The following NOTCH3 variants were observed in gnomAD, a reference collection of about 807,000 sequenced individuals.
The protein encoded by NOTCH3 is neurogenic locus notch homolog protein 3.
Under a neutral mutation model 213.3 loss-of-function variants are expected in NOTCH3, and 86 were observed. The observed-to-expected ratio is 0.40, with a 90% CI of 0.34 to 0.48. The LOEUF (loss-of-function observed/expected upper bound fraction) is 0.48, where lower values mean the gene tolerates loss of function less well. Among genes scored for constraint, NOTCH3 ranks in the 20% least tolerant of loss-of-function variants. The pLI is 0.57. For missense variants in NOTCH3, 2,783 were observed against 3,272.6 expected, an observed-to-expected ratio of 0.85 and a Z score of 3.65; for synonymous variants, 1,354 against 1,355.9, an observed-to-expected ratio of 1.00 and a Z score of 0.03.
rs2046630638 is a variant in NOTCH3, at chr19:15,160,479, T to C, written c.*183A>G. The C allele has an allele frequency of 4.7e-6, 3 of 642,670 alleles. No homozygotes were observed. The South Asian group carries it at 5.3e-5, about 11-fold the overall frequency. The allele number at this position is 642,670 out of a possible 1,614,324, so 39.8% of individuals were successfully genotyped here. A position where few individuals can be genotyped will look rare whatever the true frequency, so the allele number is the denominator to read the frequency against. On this transcript the variant is annotated 3_prime_UTR_variant, in exon 33 of 33. Coordinates refer to ENST00000263388, the MANE Select transcript of NOTCH3 (RefSeq NM_000435.3). ...GGTGGTAGCCCCCACCCATTATAAATAAAGGAAGACTGAAGCCCTGGGCTG... is the reference window on the plus strand; with the variant it reads ...GGTGGTAGCCCCCACCCATTATAAACAAAGGAAGACTGAAGCCCTGGGCTG...
chr19:15,164,020 C>A (rs754770066), intron 31 of NOTCH3, among the ~76,000 whole-genome samples: 10 of 152,074 alleles, frequency 6.6e-5, no homozygotes, highest in Admixed American at 1.3e-4. Flanking sequence ...AGACAAAAAG[C>A]AAATCAGTGG....
rs140818133 is a variant in NOTCH3 at position 15,186,909 on chromosome 19, G to A, written c.1920C>T (p.Arg640=). 203 of 1,614,102 alleles carry A rather than the reference G, an allele frequency of 1.3e-4. No individual in the cohort carries two copies. Among genetic ancestry groups the A allele is most frequent in the Non-Finnish European group, 1.6e-4 (193 of 1,180,042 alleles). ...AGCCAGGTTGGCAGACACAGTCGTA[G>A]CGGTTGATGCCATCACGGCAGACTC... is the stretch of plus-strand genomic sequence containing the variant. ...TFGVCRDGIN[R]YDCVCQPGFT... is the part of the protein sequence containing the mutation. The change falls in exon 12 of 33, where the codon CGC becomes CGT. Residue 640 remains arginine, a synonymous_variant. Transcript: ENST00000263388.
Position 15,192,280 on chromosome 19 carries a change from G to A in NOTCH3, c.359C>T (p.Pro120Leu), listed in dbSNP as rs778715118. The A allele has an allele frequency of 1.4e-4, 221 of 1,602,210 alleles. No homozygotes were observed. Among genetic ancestry groups the A allele is most frequent in the Non-Finnish European group, 1.8e-4 (209 of 1,175,068 alleles). Residue 120 changes from proline to leucine, a missense_variant, in exon 4 of 33, where the codon CCA becomes CTA. Coordinates refer to ENST00000263388, the MANE Select transcript of NOTCH3 (RefSeq NM_000435.3). ...RGFRGPDCSL[P>L]DPCLSSPCAH... is the part of the protein sequence containing the mutation. ...ACAAGGGCTGCTGAGGCAGGGATCT[G>A]GCAGGGAGCAGTCAGGGCCTGGAGG...
intron 29 of NOTCH3, 69 bp from the exon 30 acceptor site, chr19:15,166,160 T>C: frequency 7.1e-7 from 1 of 1,410,552 alleles, no homozygotes; most frequent in Non-Finnish European, 1.0e-6. Context: ...TTATCAAGGG[T>C]ACCCCATTAG....
intron 2 of NOTCH3, among the ~76,000 whole-genome samples, chr19:15,195,081 C>A (rs937221036): frequency 6.6e-6 from 1 of 152,064 alleles, no homozygotes; most frequent in Non-Finnish European, 1.5e-5. Flanking sequence ...ACCAATTGGA[C>A]GCCATGGCCT....
intron 9 of NOTCH3, 59 bp from the exon 10 acceptor site, chr19:15,188,053 T>A: frequency 3.8e-6 from 5 of 1,317,218 alleles, no homozygotes; most frequent in Non-Finnish European, 5.4e-6. Flanking sequence ...TACACCCCTC[T>A]CCAGCCCCGC....
Position 15,175,302 on chromosome 19 carries a change from GTGTA to G in NOTCH3, c.4404-906_4404-903del, listed in dbSNP as rs1393319796. Among the ~76,000 whole-genome samples, 319 of 132,902 alleles carry G rather than the reference GTGTA, an allele frequency of 2.4e-3. 3 individuals carry two copies. The highest frequency in any genetic ancestry group is 0.01 in the African/African-American group (292 of 28,680). 87.2% of individuals were successfully genotyped at this position (132,902 alleles called of 152,430 possible). A position where few individuals can be genotyped will look rare whatever the true frequency, so the allele number is the denominator to read the frequency against. On this transcript the variant is annotated intron_variant, in intron 24 of 32. Coordinates refer to ENST00000263388, the MANE Select transcript of NOTCH3 (RefSeq NM_000435.3). ...AATTCCAGCACTTTGGGAGGCCAAG[GTGTA>G]CGGATAACCTGAGGTCAGGAGTTCT... is the stretch of plus-strand genomic sequence containing the variant.
At chr19:15,182,800 G>A (rs146204313) in intron 16 of NOTCH3, among the ~76,000 whole-genome samples, 11,303 of 151,868 alleles carry the variant, frequency 0.074, 1,232 homozygotes, top group African/African-American at 0.24. Context: ...GTGCCACCAC[G>A]CCCAGCTAAT....
At chr19:15,177,224 G>C (rs1047284056) in intron 24 of NOTCH3, among the ~76,000 whole-genome samples, 3 of 151,594 alleles carry the variant, frequency 2.0e-5, no homozygotes, top group Non-Finnish European at 4.4e-5. Flanking sequence ...ACTCTAGCCT[G>C]GGCCACAGAG....
At chr19:15,199,460 T>G (rs2046994291) in intron 1 of NOTCH3, among the ~76,000 whole-genome samples, 1 of 152,114 alleles carries the variant, frequency 6.6e-6, no homozygotes, top group Non-Finnish European at 1.5e-5. Flanking sequence ...GAGCTGGGTG[T>G]AAGCATGTCC....
At chr19:15,193,914 G>A (rs750103603) in intron 2 of NOTCH3, among the ~76,000 whole-genome samples, 62 of 151,270 alleles carry the variant, frequency 4.1e-4, no homozygotes, top group Non-Finnish European at 7.5e-4. Context: ...AAACCTCGTC[G>A]CTACTAAAAA....
At chr19:15,190,990 G>A (rs1279950996) in intron 6 of NOTCH3, among the ~76,000 whole-genome samples, 2 of 151,482 alleles carry the variant, frequency 1.3e-5, no homozygotes, top group Admixed American at 1.3e-4. Flanking sequence ...CAAAGTGCTG[G>A]GATTACAGGC....
At position 15,180,985 on chromosome 19, in the gene NOTCH3, C is replaced by T. The variant is rs192400490; in HGVS notation, c.2970G>A (p.Glu990=). Residue 990 remains glutamate (E), a synonymous_variant, in exon 18 of 33, where the codon GAG becomes GAA. Coordinates refer to ENST00000263388, the MANE Select transcript of NOTCH3 (RefSeq NM_000435.3). ...CCTGGCACTGCGGGCCCGTGAAGCT[C>T]TCGAGGCAGGTGCAGCGGAAGCCAG... ...AHPGFRCTCL[E]SFTGPQCQTL... 1.9e-6 allele frequency: 3 copies of T among 1,596,754 alleles called. No individual in the cohort carries two copies. The highest frequency in any genetic ancestry group is 2.6e-6 in the Non-Finnish European group (3 of 1,172,536).
At position 15,180,260 on chromosome 19, in the gene NOTCH3, C is replaced by T; in HGVS notation, c.3143-4G>A. 6.2e-7 allele frequency: 1 copy of T among 1,613,742 alleles called. No homozygotes were observed. ...CACAGCTGCTCCAGCCGCACCCCTG[C>T]AAAGAGGAGAGTGGCACAGGAACAG... On this transcript the variant is annotated splice_polypyrimidine_tract_variant and splice_region_variant and intron_variant, in intron 19 of 32. Coordinates refer to ENST00000263388, the MANE Select transcript of NOTCH3 (RefSeq NM_000435.3).
At chr19:15,178,392 G>C (rs2046810327) in intron 23 of NOTCH3, 3 of 457,940 alleles carry the variant, frequency 6.6e-6, no homozygotes, top group Non-Finnish European at 1.2e-5. Context: ...GCAGGGGGTT[G>C]TTTCTTTGTT....
At chr19:15,194,888 T>C (rs117522400) in intron 2 of NOTCH3, among the ~76,000 whole-genome samples, 2,573 of 140,328 alleles carry the variant, frequency 0.018, 38 homozygotes, top group Middle Eastern at 0.049. Flanking sequence ...ACCCAGGAGA[T>C]AGAGGCTGCA....
At chr19:15,162,113 C>G (rs1230692640) in intron 32 of NOTCH3, among the ~76,000 whole-genome samples, 2 of 151,010 alleles carry the variant, frequency 1.3e-5, no homozygotes, top group African/African-American at 4.9e-5. Flanking sequence ...TCCCGAGCAG[C>G]TGGGACTACA....
In NOTCH3 at chr19:15,165,389, C is replaced by T. The variant is rs2046677130; in HGVS notation, c.5794G>A (p.Val1932Ile). The T allele has an allele frequency of 1.9e-6, 3 of 1,608,460 alleles. No individual in the cohort carries two copies. The highest frequency in any genetic ancestry group is 1.3e-5 in the African/African-American group (1 of 75,050). The change falls in exon 31 of 33, where the codon GTC becomes ATC. Residue 1932 changes from valine to isoleucine, a missense_variant. By Grantham distance (29) the Val-to-Ile change is conservative. Around this residue, in one of 6 missense-constraint regions of NOTCH3, gnomAD observed 636 missense variants for 801.8 expected, o/e 0.79. Transcript: ENST00000263388. The surrounding 1 kb of genome is among the most constrained non-coding windows in gnomAD (Gnocchi z 4.7). ...CTACCAAGCTCATCCACAGCATTGA[C>T]ATCAGCATGGCTGGCGATGAGCTCT... The part of the protein sequence containing the change: ...VEELIASHAD[V>I]NAVDELGKSA...
chr19:15,181,826 G>A, intron 16 of NOTCH3, 25 bp from the exon 17 acceptor site: 1 of 1,541,468 alleles, frequency 6.5e-7, no homozygotes, highest in Non-Finnish European at 8.8e-7. Context: ...AAGGCGGTCT[G>A]GTCACCTACC....
Sources: gnomAD v4.1 joint callset for allele counts (sites outside exome capture counted in the v4.1 genomes callset) on GRCh38, gnomAD v4.1.1 for gene constraint, gnomAD v4.1.1 regional missense constraint, Gnocchi (gnomAD v3.1) non-coding constraint, MANE v1.5 for transcripts, NCBI Gene and HGNC (gene_info 2026-07-23, HGNC 2026-07-21) for gene names.